Variants in TSHZ2 observed in about 807,000 individuals in gnomAD.
TSHZ2 encodes teashirt homolog 2.
TSHZ2 carries 21 observed loss-of-function variants against 74.4 expected under a neutral mutation model. That is an observed-to-expected ratio of 0.28 (90% CI 0.20 to 0.41). TSHZ2 has a LOEUF of 0.41. Among genes scored for constraint, TSHZ2 ranks in the 10% least tolerant of loss-of-function variants. The pLI is 1.00. For synonymous variants in TSHZ2, 540 were observed against 515.3 expected, an observed-to-expected ratio of 1.05 and a Z score of -0.65; for missense variants, 1,244 against 1,293.5, an observed-to-expected ratio of 0.96 and a Z score of 0.59.
intron 1 of TSHZ2, among the ~76,000 whole-genome samples, chr20:53,100,770 G>C (rs1600689574): frequency 6.6e-6 from 1 of 152,074 alleles, no homozygotes; most frequent in South Asian, 2.1e-4. Context: ...ACAACCTCTG[G>C]ACAAAATACT....
chr20:53,408,740 C>G, intron 2 of TSHZ2, among the ~76,000 whole-genome samples: 1 of 152,178 alleles, frequency 6.6e-6, no homozygotes, highest in East Asian at 1.9e-4. Flanking sequence ...CACTTTGATC[C>G]GAATGGAACC....
chr20:52,973,429 G>A, intron 1 of TSHZ2, 96 bp downstream of exon 1: 5 of 1,478,156 alleles, frequency 3.4e-6, no homozygotes, highest in African/African-American at 2.8e-5. Flanking sequence ...ACCCACTTAA[G>A]CTTTCGGGGG....
Position 53,255,698 on chromosome 20 carries a change from C to A in TSHZ2, c.2240C>A (p.Thr747Lys). 1 of 1,598,076 alleles carries A rather than the reference C, an allele frequency of 6.3e-7. No individual in the cohort carries two copies. Among genetic ancestry groups the A allele is most frequent in the Non-Finnish European group, 8.5e-7 (1 of 1,172,064 alleles). ...MDKPVLSPAS[T>K]RSASVSRRYL... ...AAGCCGGTCTTGAGTCCTGCCTCCA[C>A]AAGGTCAGCCAGCGTGTCCAGGCGC... Residue 747 changes from threonine to lysine, a missense_variant, in exon 2 of 3, where the codon ACA (threonine) becomes AAA (lysine). Thr to Lys is a moderately conservative substitution (Grantham distance 78, BLOSUM62 -1). Coordinates refer to ENST00000371497, the MANE Select transcript of TSHZ2 (RefSeq NM_173485.6). This position sits in a 1 kb window ranked among gnomAD's most constrained non-coding sequence, Gnocchi z 4.1.
At chr20:53,290,644 G>A (rs1991261559) in intron 2 of TSHZ2, among the ~76,000 whole-genome samples, 1 of 152,124 alleles carries the variant, frequency 6.6e-6, no homozygotes, top group Non-Finnish European at 1.5e-5. Flanking sequence ...CTAGGTAAGA[G>A]GAAACACAAC....
intron 2 of TSHZ2, among the ~76,000 whole-genome samples, chr20:53,282,809 C>T (rs1250867328): frequency 6.6e-6 from 1 of 152,192 alleles, no homozygotes; most frequent in African/African-American, 2.4e-5. Context: ...CTGTGCCAAG[C>T]ATGTGATTTG....
chr20:53,079,492 A>G (rs1392575966), intron 1 of TSHZ2, among the ~76,000 whole-genome samples: 1 of 152,238 alleles, frequency 6.6e-6, no homozygotes, highest in Non-Finnish European at 1.5e-5. Flanking sequence ...TCTTAGCGCT[A>G]CAGAGACAGA....
chr20:53,202,561 A>G (rs1385158871), intron 1 of TSHZ2, among the ~76,000 whole-genome samples: 1 of 152,200 alleles, frequency 6.6e-6, no homozygotes, highest in Non-Finnish European at 1.5e-5. Flanking sequence ...CCATCTTCCC[A>G]GCAACTTTAA....
chr20:53,469,083 A>ATATATATATG (rs1600664698), intron 2 of TSHZ2, among the ~76,000 whole-genome samples: 1 of 132,964 alleles, frequency 7.5e-6, no homozygotes, highest in African/African-American at 2.7e-5. Flanking sequence ...ATATATATAT[A>ATATATATATG]TGTACATATT....
At chr20:53,373,968 T>A (rs1981569756) in intron 2 of TSHZ2, among the ~76,000 whole-genome samples, 1 of 152,204 alleles carries the variant, frequency 6.6e-6, no homozygotes, top group Admixed American at 6.5e-5. Context: ...AGCTTTTATG[T>A]TTTACAAAAA....
At chr20:53,120,972 CT>C (rs1288612344) in intron 1 of TSHZ2, among the ~76,000 whole-genome samples, 2 of 152,068 alleles carry the variant, frequency 1.3e-5, no homozygotes, top group Non-Finnish European at 2.9e-5. Flanking sequence ...ACAAATAGTT[CT>C]TCTTTACAAA....
intron 1 of TSHZ2, among the ~76,000 whole-genome samples, chr20:53,091,995 A>C (rs1600685563): frequency 6.6e-6 from 1 of 152,176 alleles, no homozygotes. Context: ...GCAGTGAGCC[A>C]TGATTGCACC....
chr20:53,050,109 A>ATATATATATATACACATATATATATG (rs1568736195), intron 1 of TSHZ2, among the ~76,000 whole-genome samples: 5 of 95,524 alleles, frequency 5.2e-5, no homozygotes, highest in African/African-American at 3.9e-4. Flanking sequence ...GTGTGTATAT[A>ATATATATATATACACATATATATATG]TATATATATA....
chr20:53,247,446 T>C (rs1990233784), intron 1 of TSHZ2, among the ~76,000 whole-genome samples: 1 of 152,206 alleles, frequency 6.6e-6, no homozygotes. Flanking sequence ...ACTCCAGGCC[T>C]GGCTACCCTT....
At chr20:53,079,522 A>G (rs935432002) in intron 1 of TSHZ2, among the ~76,000 whole-genome samples, 2 of 152,202 alleles carry the variant, frequency 1.3e-5, no homozygotes, top group African/African-American at 2.4e-5. Flanking sequence ...TGTATTGGGA[A>G]TACAGAAAGG....
At chr20:53,402,770 G>A (rs1982713150) in intron 2 of TSHZ2, among the ~76,000 whole-genome samples, 1 of 152,156 alleles carries the variant, frequency 6.6e-6, no homozygotes, top group Non-Finnish European at 1.5e-5. Context: ...GCACAAACAA[G>A]TTGGGGAAAC....
chr20:53,133,541 C>A (rs1987163083), intron 1 of TSHZ2, among the ~76,000 whole-genome samples: 2 of 152,172 alleles, frequency 1.3e-5, no homozygotes, highest in African/African-American at 4.8e-5. Flanking sequence ...TGAGGTCATG[C>A]AAGCAGGCAG....
intron 1 of TSHZ2, among the ~76,000 whole-genome samples, chr20:53,131,336 ATCTTCATTTTCT>A (rs1033156258): frequency 1.3e-5 from 2 of 152,230 alleles, no homozygotes; most frequent in African/African-American, 4.8e-5. Flanking sequence ...CAGCCTTGTC[ATCTTCATTTTCT>A]TCTTCAGTGA....
At chr20:53,125,052 C>G (rs1269686134) in intron 1 of TSHZ2, among the ~76,000 whole-genome samples, 1 of 152,202 alleles carries the variant, frequency 6.6e-6, no homozygotes, top group Non-Finnish European at 1.5e-5. Flanking sequence ...GCATCACTTT[C>G]AAGCTATATT....
At chr20:53,051,649 C>A (rs2123132397) in intron 1 of TSHZ2, among the ~76,000 whole-genome samples, 1 of 152,258 alleles carries the variant, frequency 6.6e-6, no homozygotes, top group South Asian at 2.1e-4. Flanking sequence ...ACAGGCCTTG[C>A]CACCTGGCAA....
Sources: gnomAD v4.1 joint callset for allele counts (sites outside exome capture counted in the v4.1 genomes callset) on GRCh38, gnomAD v4.1.1 for gene constraint, Gnocchi (gnomAD v3.1) non-coding constraint, MANE v1.5 for transcripts, NCBI Gene and HGNC (gene_info 2026-07-23, HGNC 2026-07-21) for gene names.